Variants in LYST observed in about 807,000 individuals in gnomAD.
The protein encoded by LYST is lysosomal trafficking regulator, also known as lysosomal-trafficking regulator.
In LYST, 192 loss-of-function variants were observed where a neutral mutation model predicts 413.6. The observed-to-expected ratio is 0.46, with a 90% CI of 0.41 to 0.52. LYST has a LOEUF of 0.52. Ranked by LOEUF, LYST falls within the 20% of genes least tolerant of loss-of-function variation. LYST has a pLI of 0.00. For synonymous variants in LYST, 1,525 were observed against 1,567.3 expected, an observed-to-expected ratio of 0.97 and a Z score of 0.64; for missense variants, 3,815 against 4,499.9, an observed-to-expected ratio of 0.85 and a Z score of 4.35.
upstream of LYST, among the ~76,000 whole-genome samples, chr1:235,869,921 G>GC (rs1346897293): frequency 2.0e-5 from 3 of 151,988 alleles, no homozygotes; most frequent in African/African-American, 7.3e-5. Context: ...GCACTGACTG[G>GC]CCGGCCCCTC....
At chr1:235,783,967 C>T (rs569870977) in intron 14 of LYST, among the ~76,000 whole-genome samples, 15 of 151,818 alleles carry the variant, frequency 9.9e-5, no homozygotes, top group African/African-American at 3.6e-4. Context: ...GTAGCCTTGA[C>T]TTACTGGGCT....
chr1:235,759,072 G>A lies in LYST; in HGVS notation c.6781C>T (p.Arg2261Cys), dbSNP rs762117854. Residue 2261 changes from arginine to cysteine, a missense_variant, in exon 23 of 53, where the codon CGT (arginine) becomes TGT (cysteine). Physicochemically the swap from Arg to Cys is radical, Grantham distance 180. Transcript: ENST00000389793. ...TTTCTATCAACAAGACTTGGCCAACGGCCAACAGCTGCAGATCCGTTCTGT... is the reference window on the plus strand; with the variant it reads ...TTTCTATCAACAAGACTTGGCCAACAGCCAACAGCTGCAGATCCGTTCTGT... ...PSQNGSAAVG[R>C]WPSLVDRNTD... is the part of the protein sequence containing the mutation. 27 of 1,613,964 alleles carry A rather than the reference G, an allele frequency of 1.7e-5. No individual in the cohort carries two copies. The highest frequency in any genetic ancestry group is 1.2e-4 in the Admixed American group (7 of 59,982).
intron 2 of LYST, among the ~76,000 whole-genome samples, chr1:235,832,647 T>C (rs1448880107): frequency 6.6e-6 from 1 of 152,180 alleles, no homozygotes; most frequent in Non-Finnish European, 1.5e-5. Context: ...ATTACATATA[T>C]AGCATTATAT....
At position 235,781,916 on chromosome 1, in the gene LYST, A is replaced by G; in HGVS notation, c.5023+11T>C. On this transcript the variant is annotated intron_variant, in intron 15 of 52. Transcript: ENST00000389793. The stretch of plus-strand genomic sequence containing the variant: ...GGCTGAAGTGCAGTGGTGCAATCAT[A>G]GCTCACTCACCGTTGAAGAGAAGCA... The G allele has an allele frequency of 6.3e-7, 1 of 1,583,802 alleles. No homozygotes were observed.
At chr1:235,845,384 T>C (rs1677703735) in intron 1 of LYST, among the ~76,000 whole-genome samples, 1 of 152,018 alleles carries the variant, frequency 6.6e-6, no homozygotes, top group South Asian at 2.1e-4. Context: ...ACCACAAGGA[T>C]CCATTGGGAG....
intron 3 of LYST, among the ~76,000 whole-genome samples, chr1:235,816,455 A>C (rs1674103014): frequency 8.2e-6 from 1 of 121,228 alleles, no homozygotes; most frequent in Non-Finnish European, 1.7e-5. Context: ...AAAATAAATA[A>C]ATAAAAAATA....
intron 10 of LYST, 131 bp downstream of exon 10, chr1:235,800,189 C>A (rs915586934): frequency 3.1e-6 from 2 of 639,750 alleles, no homozygotes; most frequent in Middle Eastern, 3.8e-4. Flanking sequence ...TCAAGTGATC[C>A]GCCTGCCACC....
chr1:235,694,327 T>C (rs1032267349), intron 46 of LYST, among the ~76,000 whole-genome samples: 1 of 152,188 alleles, frequency 6.6e-6, no homozygotes, highest in African/African-American at 2.4e-5. Flanking sequence ...CTCTCTTTTT[T>C]ACAACATAGT....
chr1:235,724,706 C>T (rs1663693655), intron 38 of LYST, among the ~76,000 whole-genome samples: 1 of 152,216 alleles, frequency 6.6e-6, no homozygotes, highest in South Asian at 2.1e-4. Context: ...TCTCTGGCAA[C>T]CACTAATTTG....
intron 29 of LYST, 95 bp downstream of exon 29, chr1:235,746,241 C>T: frequency 1.0e-6 from 1 of 999,400 alleles, no homozygotes; most frequent in Non-Finnish European, 1.6e-6. Context: ...AAAAATAATG[C>T]TGCTTAAACA....
In LYST at chr1:235,734,355, G is replaced by GA. The variant is rs1177932665; in HGVS notation, c.8535+127dup. On this transcript the variant is annotated intron_variant, in intron 32 of 52. Coordinates refer to ENST00000389793, the MANE Select transcript of LYST (RefSeq NM_000081.4). ...TAGACAAAAGCAATATAGTATATAG[G>GA]AAAAATAAAATAAAATAATCATTTC... 8.5e-6 allele frequency: 7 copies of GA among 821,996 alleles called. No individual in the cohort carries two copies. In the African/African-American group the frequency reaches 1.0e-4, roughly 12 times the overall value. 50.9% of individuals were successfully genotyped at this position (821,996 alleles called of 1,614,324 possible). A position where few individuals can be genotyped will look rare whatever the true frequency, so the allele number is the denominator to read the frequency against.
chr1:235,727,685 C>T (rs372505253), intron 38 of LYST, among the ~76,000 whole-genome samples: 9 of 152,026 alleles, frequency 5.9e-5, no homozygotes, highest in Admixed American at 4.6e-4. Flanking sequence ...ATGTGAATAT[C>T]AGAATTACTT....
Position 235,759,000 on chromosome 1 carries a change from T to C in LYST, c.6853A>G (p.Asn2285Asp). The C allele has an allele frequency of 1.2e-6, 2 of 1,614,044 alleles. No homozygotes were observed. The highest frequency in any genetic ancestry group is 1.7e-6 in the Non-Finnish European group (2 of 1,179,976). ...NFAYSLGYEP[N>D]YNRTASAHSV... ...TGAGCACTTGCAGTTCGGTTGTAAT[T>C]TGGCTCATAACCAAGAGAATAGGCA... is the stretch of plus-strand genomic sequence containing the variant. Residue 2285 changes from asparagine (N) to aspartate (D), a missense_variant, in exon 23 of 53, where the codon AAT becomes GAT. Physicochemically the swap from Asn to Asp is conservative, Grantham distance 23. Coordinates refer to ENST00000389793, the MANE Select transcript of LYST (RefSeq NM_000081.4).
At chr1:235,846,101 G>T (rs1467324418) in intron 1 of LYST, among the ~76,000 whole-genome samples, 4 of 152,138 alleles carry the variant, frequency 2.6e-5, no homozygotes, top group African/African-American at 4.8e-5. Context: ...CCAAAGCTAA[G>T]GACCCTCACG....
chr1:235,817,052 C>T (rs570676148), intron 3 of LYST, among the ~76,000 whole-genome samples: 5 of 152,010 alleles, frequency 3.3e-5, no homozygotes, highest in East Asian at 1.9e-4. Context: ...TATTAAAAAG[C>T]GGCCAAAGGA....
Position 235,830,256 on chromosome 1 carries a change from T to C in LYST, c.162A>G (p.Leu54=). Reference sequence around the variant, plus strand: ...CAATTATAGAATTTAGCTTGGTAAGTAATAGAAATCCTCGACCATGGACAA... The same window carrying C: ...CAATTATAGAATTTAGCTTGGTAAGCAATAGAAATCCTCGACCATGGACAA... The part of the protein sequence containing the change: ...QYLVHGRGFL[L]LTKLNSIIDQ... Residue 54 remains leucine (L), a synonymous_variant, in exon 3 of 53, where the codon TTA becomes TTG. Transcript: ENST00000389793. The C allele has an allele frequency of 6.2e-7, 1 of 1,613,868 alleles. No individual in the cohort carries two copies. The highest frequency in any genetic ancestry group is 1.1e-5 in the South Asian group (1 of 91,078).
At chr1:235,875,564 A>ATGC (rs772097841) in intron 1 of LYST, among the ~76,000 whole-genome samples, 1 of 152,226 alleles carries the variant, frequency 6.6e-6, no homozygotes, top group Non-Finnish European at 1.5e-5. Context: ...CAGCTACATC[A>ATGC]TGCTGATGGA....
intron 20 of LYST, among the ~76,000 whole-genome samples, chr1:235,769,286 A>T (rs1349212130): frequency 6.6e-6 from 1 of 152,064 alleles, no homozygotes; most frequent in Admixed American, 6.6e-5. Context: ...GACAGAAAAA[A>T]GTCTTACTTG....
chr1:235,872,765 A>C (rs1052599367), intron 1 of LYST, among the ~76,000 whole-genome samples: 5 of 151,886 alleles, frequency 3.3e-5, no homozygotes, highest in Non-Finnish European at 7.4e-5. Context: ...AAATACAAAA[A>C]ATTAGCCGGG....
Sources: allele counts gnomAD v4.1 joint callset (sites outside exome capture counted in the v4.1 genomes callset), GRCh38; gene constraint gnomAD v4.1.1; transcripts MANE v1.5; gene names NCBI Gene and HGNC (gene_info 2026-07-23, HGNC 2026-07-21).